HMBOX1: variants seen among roughly 807,000 people sequenced by gnomAD.
The protein encoded by HMBOX1 is homeobox containing 1, also known as homeobox-containing protein 1.
In HMBOX1, 14 loss-of-function variants were observed where a neutral mutation model predicts 54.5. The observed-to-expected ratio is 0.26, with a 90% CI of 0.17 to 0.40. The LOEUF (loss-of-function observed/expected upper bound fraction) is 0.40. HMBOX1 is among the 10% of genes least tolerant of loss of function. HMBOX1 has a pLI of 1.00. For missense variants in HMBOX1, 332 were observed against 514.4 expected (o/e 0.65, Z 3.43); for synonymous variants, 160 against 181.0 (o/e 0.88, Z 0.93).
At chr8:28,959,199 C>T (rs1295095697) in intron 1 of HMBOX1, among the ~76,000 whole-genome samples, 1 of 151,786 alleles carries the variant, frequency 6.6e-6, no homozygotes, top group Non-Finnish European at 1.5e-5. Flanking sequence ...GCACTTTTGG[C>T]TTCTGTTTGG....
At chr8:28,914,820 T>C (rs1316740817) in intron 1 of HMBOX1, among the ~76,000 whole-genome samples, 1 of 152,226 alleles carries the variant, frequency 6.6e-6, no homozygotes, top group Non-Finnish European at 1.5e-5. Flanking sequence ...ATACCTATAA[T>C]GGAAATGAAA....
chr8:28,912,235 T>C (rs1815593514), intron 1 of HMBOX1, among the ~76,000 whole-genome samples: 1 of 152,216 alleles, frequency 6.6e-6, no homozygotes, highest in Admixed American at 6.5e-5. Context: ...GACCTTACGC[T>C]AAGTTGAGGA....
chr8:28,993,293 C>A (rs1444148475), intron 4 of HMBOX1, among the ~76,000 whole-genome samples: 5 of 151,954 alleles, frequency 3.3e-5, no homozygotes, highest in Non-Finnish European at 5.9e-5. Flanking sequence ...ATATATTATT[C>A]TTTAAGATAT....
chr8:28,902,360 C>G (rs1813390278), intron 1 of HMBOX1, among the ~76,000 whole-genome samples: 1 of 152,106 alleles, frequency 6.6e-6, no homozygotes, highest in Admixed American at 6.5e-5. Context: ...TTTCACAGTT[C>G]ATTTATTAAC....
intron 6 of HMBOX1, among the ~76,000 whole-genome samples, chr8:29,032,411 A>G (rs1298357250): frequency 1.3e-5 from 2 of 152,180 alleles, no homozygotes; most frequent in African/African-American, 2.4e-5. Flanking sequence ...CTACATGATC[A>G]AGGAAACATC....
chr8:28,945,861 A>G (rs997388741), intron 1 of HMBOX1, among the ~76,000 whole-genome samples: 3 of 151,696 alleles, frequency 2.0e-5, no homozygotes, highest in South Asian at 2.1e-4. Flanking sequence ...ATACCGTACA[A>G]TTTACCCATT....
intron 1 of HMBOX1, among the ~76,000 whole-genome samples, chr8:28,927,823 C>G (rs1418730526): frequency 2.8e-5 from 3 of 109,018 alleles, no homozygotes; most frequent in Non-Finnish European, 5.3e-5. Flanking sequence ...AAAAGCGAAA[C>G]TCAGTCTCAA....
intron 5 of HMBOX1, among the ~76,000 whole-genome samples, chr8:29,017,266 TC>T (rs1835177263): frequency 6.6e-6 from 1 of 152,218 alleles, no homozygotes; most frequent in African/African-American, 2.4e-5. Context: ...GCCTCTGGTT[TC>T]CCCCAGAGCC....
chr8:28,998,199 A>G (rs936027754), intron 4 of HMBOX1, among the ~76,000 whole-genome samples: 1 of 152,182 alleles, frequency 6.6e-6, no homozygotes, highest in East Asian at 1.9e-4. Flanking sequence ...ATAGTTGTTC[A>G]TATAATCGTT....
At chr8:28,893,670 T>C (rs989779374) in intron 1 of HMBOX1, among the ~76,000 whole-genome samples, 1 of 152,200 alleles carries the variant, frequency 6.6e-6, no homozygotes. Flanking sequence ...TTACAAAATA[T>C]GTGGCAACAA....
At chr8:28,929,515 T>G (rs1003028868) in intron 1 of HMBOX1, among the ~76,000 whole-genome samples, 1 of 152,130 alleles carries the variant, frequency 6.6e-6, no homozygotes, top group Non-Finnish European at 1.5e-5. Flanking sequence ...GGACTTTGAA[T>G]TGGATATGGG....
chr8:29,024,730 G>A (rs941481571), intron 6 of HMBOX1, among the ~76,000 whole-genome samples: 1 of 152,086 alleles, frequency 6.6e-6, no homozygotes, highest in Admixed American at 6.6e-5. Context: ...CTGTAGGTAT[G>A]TTATTATTTG....
Position 29,040,190 on chromosome 8 carries a change from T to C in HMBOX1, c.852-5171T>C, listed in dbSNP as rs534857967. On this transcript the variant is annotated intron_variant, in intron 6 of 9. Coordinates refer to ENST00000287701, the MANE Select transcript of HMBOX1 (RefSeq NM_001135726.3). Reference sequence around the variant, plus strand: ...TAGAAGATAGATGCATTTTGTCAGTTATGTTTTGGCTCCTTTTATTATTTA... The same window carrying C: ...TAGAAGATAGATGCATTTTGTCAGTCATGTTTTGGCTCCTTTTATTATTTA... Among the ~76,000 whole-genome samples the C allele has an allele frequency of 1.5e-3, 225 of 152,350 alleles. 3 individuals carry two copies. Among genetic ancestry groups the C allele is most frequent in the African/African-American group, 5.1e-3 (210 of 41,580 alleles).
At chr8:29,039,190 G>T (rs1236075470) in intron 6 of HMBOX1, among the ~76,000 whole-genome samples, 3 of 152,006 alleles carry the variant, frequency 2.0e-5, no homozygotes, top group Non-Finnish European at 4.4e-5. Flanking sequence ...TGACTACTTG[G>T]GGAAGCTTTG....
intron 4 of HMBOX1, among the ~76,000 whole-genome samples, chr8:28,989,468 G>A (rs1312605324): frequency 6.6e-6 from 1 of 152,020 alleles, no homozygotes; most frequent in Admixed American, 6.6e-5. Flanking sequence ...TTGTTGAAAA[G>A]TCTAGCCTTT....
chr8:29,013,954 C>T (rs1337622517), intron 5 of HMBOX1, among the ~76,000 whole-genome samples: 1 of 152,116 alleles, frequency 6.6e-6, no homozygotes, highest in African/African-American at 2.4e-5. Context: ...TAAATGTCAT[C>T]AGAAGAAACA....
intron 6 of HMBOX1, among the ~76,000 whole-genome samples, chr8:29,029,948 T>G (rs1328740019): frequency 6.6e-6 from 1 of 151,890 alleles, no homozygotes; most frequent in Admixed American, 6.6e-5. Context: ...ATTATCTTTT[T>G]TTTTGCTTTT....
intron 3 of HMBOX1, among the ~76,000 whole-genome samples, chr8:28,978,749 T>C (rs750274638): frequency 3.9e-5 from 5 of 129,096 alleles, no homozygotes; most frequent in Non-Finnish European, 7.6e-5. Flanking sequence ...ATTGCGCCAC[T>C]GCACTCCAGC....
chr8:29,007,319 A>T (rs1392746158), intron 4 of HMBOX1, among the ~76,000 whole-genome samples: 1 of 152,088 alleles, frequency 6.6e-6, no homozygotes, highest in African/African-American at 2.4e-5. Flanking sequence ...AAAAAGTAGT[A>T]TTAAAAAATA....
Sources: allele counts gnomAD v4.1 joint callset (sites outside exome capture counted in the v4.1 genomes callset), GRCh38; gene constraint gnomAD v4.1.1; transcripts MANE v1.5; gene names NCBI Gene and HGNC (gene_info 2026-07-23, HGNC 2026-07-21).